CCNI: variants seen among roughly 807,000 people sequenced by gnomAD.
The protein encoded by CCNI is cyclin-I.
CCNI carries 14 observed loss-of-function variants against 34.1 expected under a neutral mutation model. The observed-to-expected ratio is 0.41, with a 90% CI of 0.27 to 0.64. CCNI has a LOEUF of 0.64. Among genes scored for constraint, CCNI ranks in the 30% least tolerant of loss-of-function variants. The pLI, the probability that CCNI is intolerant of heterozygous loss-of-function variation, is 0.31. For missense variants in CCNI, 385 were observed against 440.5 expected, an observed-to-expected ratio of 0.87 and a Z score of 1.13; for synonymous variants, 154 against 158.4, an observed-to-expected ratio of 0.97 and a Z score of 0.21.
At chr4:77,065,892 G>A (rs1191796904) in intron 2 of CCNI, among the ~76,000 whole-genome samples, 1 of 152,212 alleles carries the variant, frequency 6.6e-6, no homozygotes, top group African/African-American at 2.4e-5. Flanking sequence ...TTGAGCTCAG[G>A]ACTTCCAGAC....
chr4:77,074,900 T>C (rs1729780817), intron 1 of CCNI: 1 of 151,974 alleles, frequency 6.6e-6, no homozygotes. Flanking sequence ...CCTTTCAAAT[T>C]CCAGTTATTT....
chr4:77,057,230 T>TA (rs1728305048), intron 3 of CCNI, among the ~76,000 whole-genome samples: 1 of 152,210 alleles, frequency 6.6e-6, no homozygotes, highest in African/African-American at 2.4e-5. Flanking sequence ...AGTTTAAAGT[T>TA]AGTGTCCTTT....
chr4:77,067,244 AC>A (rs1398115568), intron 1 of CCNI, among the ~76,000 whole-genome samples: 1 of 148,526 alleles, frequency 6.7e-6, no homozygotes, highest in Non-Finnish European at 1.5e-5. Context: ...AAACAAACAA[AC>A]CAAAAAAAAA....
chr4:77,072,030 C>A (rs946732261), intron 1 of CCNI, among the ~76,000 whole-genome samples: 1 of 152,096 alleles, frequency 6.6e-6, no homozygotes. Context: ...CCAGTTATTA[C>A]CCTGCTACCA....
chr4:77,068,287 T>C (rs933672720), intron 1 of CCNI, among the ~76,000 whole-genome samples: 6 of 152,172 alleles, frequency 3.9e-5, no homozygotes, highest in African/African-American at 7.2e-5. Context: ...TTTAAGAAAG[T>C]AATGTATCAC....
chr4:77,072,973 T>C (rs1729601671), intron 1 of CCNI, among the ~76,000 whole-genome samples: 1 of 152,236 alleles, frequency 6.6e-6, no homozygotes, highest in African/African-American at 2.4e-5. Context: ...TTACTGACAG[T>C]GCACAAGCCT....
intron 1 of CCNI, among the ~76,000 whole-genome samples, chr4:77,069,540 T>A (rs1045675877): frequency 7.3e-5 from 11 of 151,198 alleles, no homozygotes; most frequent in Admixed American, 5.9e-4. Context: ...GCTGCACCCA[T>A]TAACTCATCA....
chr4:77,058,459 A>G (rs763430408), intron 3 of CCNI, 48 bp downstream of exon 3: 1 of 1,489,662 alleles, frequency 6.7e-7, no homozygotes, highest in Non-Finnish European at 9.2e-7. Flanking sequence ...AGTTTAGCAT[A>G]CATACACTCA....
rs933738507 is a variant in CCNI, at chr4:77,063,451, C to A, written c.114+2798G>T. Among the ~76,000 whole-genome samples the A allele has an allele frequency of 1.4e-4, 21 of 151,276 alleles. No homozygotes were observed. The East Asian group carries it at 3.5e-3, about 25-fold the overall frequency. On this transcript the variant is annotated intron_variant, in intron 2 of 6. Coordinates refer to ENST00000237654, the MANE Select transcript of CCNI (RefSeq NM_006835.3). ...CGGTGGCTCATGCCTGTAATCCCAG[C>A]ACTTTGGAAGGCCGGATCACAAGGT...
chr4:77,067,619 T>C (rs1267462829), intron 1 of CCNI, among the ~76,000 whole-genome samples: 1 of 151,044 alleles, frequency 6.6e-6, no homozygotes, highest in African/African-American at 2.4e-5. Context: ...GCCTCCCAAA[T>C]AGCTGGGACT....
intron 6 of CCNI, among the ~76,000 whole-genome samples, chr4:77,051,820 T>C (rs1184568374): frequency 1.3e-5 from 2 of 152,114 alleles, no homozygotes; most frequent in Non-Finnish European, 2.9e-5. Flanking sequence ...TAACAATAAA[T>C]GACATAAATG....
chr4:77,075,455 C>G lies in CCNI; in HGVS notation c.-44+17G>C. On this transcript the variant is annotated intron_variant, in intron 1 of 6. Coordinates refer to ENST00000237654, the MANE Select transcript of CCNI (RefSeq NM_006835.3). ...GCGGAGACGCGTCGAGCCCCCGCCC[C>G]CGCCCCCGCCCCTCACCTTCTCCTC... 1.4e-6 allele frequency: 1 copy of G among 714,002 alleles called. No individual in the cohort carries two copies. The highest frequency in any genetic ancestry group is 1.7e-6 in the Non-Finnish European group (1 of 583,416). The allele number at this position is 714,002 out of a possible 1,614,324, so 44.2% of individuals were successfully genotyped here. A position where few individuals can be genotyped will look rare whatever the true frequency, so the allele number is the denominator to read the frequency against.
chr4:77,067,016 T>C (rs1055373056), intron 1 of CCNI, among the ~76,000 whole-genome samples: 1 of 152,068 alleles, frequency 6.6e-6, no homozygotes, highest in African/African-American at 2.4e-5. Flanking sequence ...GGTGGATCAC[T>C]AGGTCAGGAG....
intron 6 of CCNI, 83 bp downstream of exon 6, chr4:77,055,067 A>C (rs1728117045): frequency 1.2e-6 from 1 of 838,536 alleles, no homozygotes; most frequent in Admixed American, 2.4e-5. Context: ...CAACATGAGA[A>C]ATGTCTTTTA....
intron 2 of CCNI, among the ~76,000 whole-genome samples, chr4:77,062,265 C>T (rs765269249): frequency 6.6e-6 from 1 of 152,178 alleles, no homozygotes; most frequent in Non-Finnish European, 1.5e-5. Context: ...GTTAAACGTT[C>T]AACATTTTTT....
chr4:77,064,436 G>T (rs997972915), intron 2 of CCNI, among the ~76,000 whole-genome samples: 4 of 152,124 alleles, frequency 2.6e-5, no homozygotes, highest in Non-Finnish European at 5.9e-5. Context: ...AGGCTCACTA[G>T]AATGTCACAA....
At chr4:77,074,075 T>C (rs1003871551) in intron 1 of CCNI, among the ~76,000 whole-genome samples, 10 of 152,136 alleles carry the variant, frequency 6.6e-5, no homozygotes, top group Admixed American at 2.0e-4. Context: ...GAAACATACA[T>C]AGGAAGATGA....
At chr4:77,072,449 C>A in intron 1 of CCNI, among the ~76,000 whole-genome samples, 2 of 101,812 alleles carry the variant, frequency 2.0e-5, no homozygotes, top group East Asian at 2.6e-4. Context: ...TCCCTGTCTC[C>A]ACCAAAAAAA....
chr4:77,055,304 G>A lies in CCNI; in HGVS notation c.536C>T (p.Ala179Val). The change falls in exon 6 of 7, where the codon GCA becomes GTA. Residue 179 changes from alanine (A) to valine (V), a missense_variant. By Grantham distance (64) the Ala-to-Val change is moderately conservative (BLOSUM62 0). This residue lies in a region of CCNI where 250 missense variants were observed against 248.7 expected (regional missense o/e 1.01). Coordinates refer to ENST00000237654, the MANE Select transcript of CCNI (RefSeq NM_006835.3). ...LPKLSPSQHL[A>V]VLTKQLLHCM... ...GTGAAGTAGTTGCTTGGTAAGGACT[G>A]CCAAATGTTGAGATGGGCTCAATTT... 6.2e-7 allele frequency: 1 copy of A among 1,614,180 alleles called. No individual in the cohort carries two copies. The highest frequency in any genetic ancestry group is 1.6e-4 in the Middle Eastern group (1 of 6,062).
Sources: allele counts gnomAD v4.1 joint callset (sites outside exome capture counted in the v4.1 genomes callset), GRCh38; gene constraint gnomAD v4.1.1; regional missense constraint gnomAD v4.1.1; transcripts MANE v1.5; gene names NCBI Gene and HGNC (gene_info 2026-07-23, HGNC 2026-07-21).